The following PNLIPRP3 variants were observed in gnomAD, a reference collection of about 807,000 sequenced individuals.
The protein encoded by PNLIPRP3 is pancreatic lipase related protein 3.
A neutral mutation model predicts 52.8 loss-of-function variants in PNLIPRP3; 58 were observed. That is an observed-to-expected ratio of 1.10 (90% CI 0.89 to 1.37). PNLIPRP3 has a LOEUF of 1.37. Ranked by LOEUF, PNLIPRP3 falls within the 40% of genes most tolerant of loss-of-function variation. The pLI is 0.00. For missense variants in PNLIPRP3, 593 were observed against 561.6 expected, an observed-to-expected ratio of 1.06 and a Z score of -0.57; for synonymous variants, 192 against 185.0, an observed-to-expected ratio of 1.04 and a Z score of -0.31.
In PNLIPRP3 at chr10:116,455,821, A is replaced by G; in HGVS notation, c.556A>G (p.Arg186Gly). 6.2e-7 allele frequency: 1 copy of G among 1,612,714 alleles called. No individual in the cohort carries two copies. Among genetic ancestry groups the G allele is most frequent in the Non-Finnish European group, 8.5e-7 (1 of 1,178,726 alleles). The change falls in exon 5 of 12, where the codon AGA becomes GGA. Residue 186 changes from arginine (R) to glycine (G), a missense_variant. Arg to Gly is a moderately radical substitution (Grantham distance 125). Transcript: ENST00000369230. ...EAGSRIPGLG[R>G]ITGLDPAGPF... ...TGGGTCAAGGATACCAGGCCTTGGA[A>G]GAATAACTGGTAAGCATGCCCTGCA...
chr10:116,428,003 A>G lies in PNLIPRP3; in HGVS notation c.-10A>G. On this transcript the variant is annotated 5_prime_UTR_variant, in exon 1 of 12. Transcript: ENST00000369230. ...AGAAGATTTTTATGTGATTTAAAAA[A>G]TCAGCTTAGATGCTTGGAATTTGGA... 1 of 1,605,228 alleles carries G rather than the reference A, an allele frequency of 6.2e-7. No homozygotes were observed. Among genetic ancestry groups the G allele is most frequent in the Non-Finnish European group, 8.5e-7 (1 of 1,173,230 alleles).
chr10:116,436,420 G>A (rs1768077527), intron 1 of PNLIPRP3, among the ~76,000 whole-genome samples: 1 of 152,130 alleles, frequency 6.6e-6, no homozygotes, highest in Admixed American at 6.5e-5. Context: ...AAATCTCCTT[G>A]TTGCTGGCTT....
At chr10:116,456,897 C>T (rs994581251) in intron 5 of PNLIPRP3, among the ~76,000 whole-genome samples, 1 of 152,214 alleles carries the variant, frequency 6.6e-6, no homozygotes, top group Non-Finnish European at 1.5e-5. Flanking sequence ...GCCTTGGTCC[C>T]CGCTGGTGCC....
At chr10:116,462,325 A>G (rs1663883914) in intron 7 of PNLIPRP3, among the ~76,000 whole-genome samples, 1 of 148,888 alleles carries the variant, frequency 6.7e-6, no homozygotes, top group Admixed American at 6.7e-5. Context: ...TAATAATAAT[A>G]TATATATATA....
At chr10:116,451,605 CTGTT>C (rs1846038527) in intron 4 of PNLIPRP3, among the ~76,000 whole-genome samples, 1 of 152,106 alleles carries the variant, frequency 6.6e-6, no homozygotes, top group Admixed American at 6.5e-5. Context: ...CACACAATAT[CTGTT>C]TGTTTAAAAG....
At chr10:116,447,285 A>G (rs1445976458) in intron 4 of PNLIPRP3, among the ~76,000 whole-genome samples, 2 of 152,188 alleles carry the variant, frequency 1.3e-5, no homozygotes, top group Non-Finnish European at 2.9e-5. Flanking sequence ...GGACCAGCAC[A>G]AAGTTTTGAC....
At chr10:116,442,383 A>G (rs929268841) in intron 2 of PNLIPRP3, among the ~76,000 whole-genome samples, 1 of 152,156 alleles carries the variant, frequency 6.6e-6, no homozygotes, top group Non-Finnish European at 1.5e-5. Flanking sequence ...CCATTTTGCC[A>G]TGTTTTTGGC....
intron 8 of PNLIPRP3, among the ~76,000 whole-genome samples, chr10:116,467,349 C>T (rs929825254): frequency 6.6e-6 from 1 of 152,030 alleles, no homozygotes. Flanking sequence ...TATGATCATG[C>T]CTCTGAATAA....
intron 10 of PNLIPRP3, among the ~76,000 whole-genome samples, chr10:116,475,409 C>T (rs1846447869): frequency 6.6e-6 from 1 of 152,054 alleles, no homozygotes; most frequent in African/African-American, 2.4e-5. Context: ...CACATGTACC[C>T]CTGACCTTGT....
At chr10:116,435,445 C>A (rs111289530) in intron 1 of PNLIPRP3, among the ~76,000 whole-genome samples, 12 of 141,528 alleles carry the variant, frequency 8.5e-5, no homozygotes, top group East Asian at 4.1e-4. Context: ...ATAAATGAGC[C>A]AAAAAAAAAA....
At chr10:116,444,572 G>C in intron 4 of PNLIPRP3, 59 bp downstream of exon 4, 1 of 1,501,508 alleles carries the variant, frequency 6.7e-7, no homozygotes, top group African/African-American at 1.4e-5. Context: ...TTAACACTCA[G>C]AAGTTGGGAC....
chr10:116,430,127 CAA>C (rs1474836468), intron 1 of PNLIPRP3, among the ~76,000 whole-genome samples: 1 of 152,100 alleles, frequency 6.6e-6, no homozygotes, highest in Non-Finnish European at 1.5e-5. Context: ...TTGCGAGAAA[CAA>C]AGACAGTTCA....
At chr10:116,444,154 G>A (rs892065910) in intron 3 of PNLIPRP3, among the ~76,000 whole-genome samples, 3 of 151,830 alleles carry the variant, frequency 2.0e-5, no homozygotes, top group African/African-American at 4.8e-5. Context: ...AAAACGGCAC[G>A]GGGGAAACCA....
chr10:116,450,288 A>T (rs865825692), intron 4 of PNLIPRP3, among the ~76,000 whole-genome samples: 1 of 152,150 alleles, frequency 6.6e-6, no homozygotes, highest in African/African-American at 2.4e-5. Context: ...TTATGCATGG[A>T]CCTTATTTTT....
At chr10:116,460,831 AG>A in intron 5 of PNLIPRP3, 134 bp from the exon 6 acceptor site, 1 of 1,178,076 alleles carries the variant, frequency 8.5e-7, no homozygotes. Context: ...TTATAGATTT[AG>A]GTTATGTATC....
intron 7 of PNLIPRP3, among the ~76,000 whole-genome samples, 174 bp from the exon 8 acceptor site, chr10:116,465,876 G>A (rs1350029403): frequency 2.0e-5 from 3 of 152,074 alleles, no homozygotes; most frequent in African/African-American, 7.2e-5. Context: ...TAATTCTTTG[G>A]TACAAATAAA....
At chr10:116,456,960 A>C (rs950391108) in intron 5 of PNLIPRP3, among the ~76,000 whole-genome samples, 1 of 152,210 alleles carries the variant, frequency 6.6e-6, no homozygotes, top group Non-Finnish European at 1.5e-5. Flanking sequence ...GGTGCAGGCC[A>C]TGCCACTCCA....
intron 7 of PNLIPRP3, among the ~76,000 whole-genome samples, chr10:116,462,489 A>G (rs1330270082): frequency 6.6e-6 from 1 of 152,040 alleles, no homozygotes; most frequent in African/African-American, 2.4e-5. Flanking sequence ...TAACTCAGGT[A>G]TCTACTTCAC....
chr10:116,444,645 T>A, intron 4 of PNLIPRP3, 132 bp downstream of exon 4: 1 of 913,190 alleles, frequency 1.1e-6, no homozygotes, highest in Non-Finnish European at 1.6e-6. Context: ...TAAGCATTTG[T>A]ATATGGCAGA....
Sources: allele counts gnomAD v4.1 joint callset (sites outside exome capture counted in the v4.1 genomes callset), GRCh38; gene constraint gnomAD v4.1.1; transcripts MANE v1.5; gene names NCBI Gene and HGNC (gene_info 2026-07-23, HGNC 2026-07-21).